NYAP2: variants seen among roughly 807,000 people sequenced by gnomAD.
The protein encoded by NYAP2 is neuronal tyrosine-phosphorylated phosphoinositide-3-kinase adaptor 2.
In NYAP2, 23 loss-of-function variants were observed where a neutral mutation model predicts 50.4. The ratio of observed to expected loss-of-function variants is 0.46; its 90% CI spans 0.33 to 0.65. The LOEUF (loss-of-function observed/expected upper bound fraction) is 0.65. NYAP2 is among the 30% of genes least tolerant of loss of function. NYAP2 has a pLI of 0.02. For missense variants in NYAP2, 885 were observed against 861.0 expected (o/e 1.03, Z -0.35); for synonymous variants, 394 against 365.2 (o/e 1.08, Z -0.90).
the NYAP2 span, among the ~76,000 whole-genome samples, chr2:225,687,401 A>T: frequency 6.6e-6 from 1 of 152,176 alleles, no homozygotes; most frequent in African/African-American, 2.4e-5. Context: ...TAGAAGGTGC[A>T]TATAACTTGC....
intron 3 of NYAP2, among the ~76,000 whole-genome samples, chr2:225,459,689 G>C (rs552230220): frequency 2.6e-5 from 4 of 151,692 alleles, no homozygotes; most frequent in African/African-American, 9.7e-5. Flanking sequence ...TGTCGCCCAG[G>C]CTGGAGTGCA....
chr2:225,546,388 T>A (rs1691585374), intron 4 of NYAP2, among the ~76,000 whole-genome samples: 1 of 152,044 alleles, frequency 6.6e-6, no homozygotes, highest in Admixed American at 6.6e-5. Flanking sequence ...AAGCTGGCAC[T>A]CAAACCATGA....
At chr2:225,703,595 T>C in the NYAP2 span, 1 of 151,886 alleles carries the variant, frequency 6.6e-6, no homozygotes, top group African/African-American at 2.4e-5. Flanking sequence ...TTTACAATAC[T>C]TTTTGTGATT....
chr2:225,627,236 G>A (rs150869385), intron 6 of NYAP2, 110 bp downstream of exon 6: 233 of 818,956 alleles, frequency 2.8e-4, no homozygotes, highest in Non-Finnish European at 4.4e-4. Flanking sequence ...TCTGCACACA[G>A]AGAGGCACCA....
intron 6 of NYAP2, among the ~76,000 whole-genome samples, chr2:225,632,616 A>G (rs1693341423): frequency 6.6e-6 from 1 of 152,224 alleles, no homozygotes; most frequent in Non-Finnish European, 1.5e-5. Context: ...TGTTTAGTAA[A>G]TCACAGATTC....
chr2:225,681,369 A>C, the NYAP2 span, among the ~76,000 whole-genome samples: 1 of 152,240 alleles, frequency 6.6e-6, no homozygotes, highest in Non-Finnish European at 1.5e-5. Flanking sequence ...TCCTCAATAA[A>C]TAATTATTGC....
intron 4 of NYAP2, among the ~76,000 whole-genome samples, chr2:225,538,674 T>A (rs1055733651): frequency 1.3e-5 from 2 of 152,234 alleles, no homozygotes; most frequent in South Asian, 2.1e-4. Context: ...TTCCCCATTG[T>A]CTTGGGGATT....
At chr2:225,476,107 A>C (rs1690099980) in intron 3 of NYAP2, among the ~76,000 whole-genome samples, 4 of 152,234 alleles carry the variant, frequency 2.6e-5, no homozygotes, top group African/African-American at 9.6e-5. Flanking sequence ...ATTAGTCTTA[A>C]TAGAAGTCTA....
chr2:225,489,956 G>T (rs1202987777), intron 3 of NYAP2, among the ~76,000 whole-genome samples: 64 of 152,192 alleles, frequency 4.2e-4, no homozygotes, highest in Non-Finnish European at 2.6e-4. Context: ...TCCAAAGGGT[G>T]TTCATAGTTC....
chr2:225,460,955 T>C (rs1689819018), intron 3 of NYAP2, among the ~76,000 whole-genome samples: 1 of 132,108 alleles, frequency 7.6e-6, no homozygotes, highest in Non-Finnish European at 1.5e-5. Flanking sequence ...ATCGCGCCAC[T>C]GCACTCCTGC....
intron 4 of NYAP2, among the ~76,000 whole-genome samples, chr2:225,538,947 C>A (rs566794701): frequency 9.2e-5 from 14 of 151,692 alleles, no homozygotes; most frequent in African/African-American, 3.2e-4. Context: ...CTGCACCCAA[C>A]AACCCGTCAT....
At chr2:225,504,999 C>T in intron 3 of NYAP2, among the ~76,000 whole-genome samples, 1 of 140,366 alleles carries the variant, frequency 7.1e-6, no homozygotes, top group Non-Finnish European at 1.6e-5. Flanking sequence ...CGGAGCAAGA[C>T]TGCGTCTCGA....
At chr2:225,690,228 A>G in the NYAP2 span, among the ~76,000 whole-genome samples, 1 of 152,150 alleles carries the variant, frequency 6.6e-6, no homozygotes, top group Admixed American at 6.6e-5. Context: ...CCAACATATC[A>G]ATTATTTTAT....
intron 3 of NYAP2, among the ~76,000 whole-genome samples, chr2:225,433,434 T>C (rs528482980): frequency 4.1e-4 from 62 of 152,206 alleles, no homozygotes; most frequent in Non-Finnish European, 6.2e-4. Context: ...TCCTGGCGTA[T>C]GTATATTTGC....
chr2:225,630,543 T>A (rs1021833198), intron 6 of NYAP2, among the ~76,000 whole-genome samples: 7 of 152,196 alleles, frequency 4.6e-5, no homozygotes, highest in Non-Finnish European at 1.0e-4. Flanking sequence ...GGGATTTCCA[T>A]GGGCTTGTAG....
chr2:225,597,914 A>G (rs926250845), intron 5 of NYAP2, among the ~76,000 whole-genome samples: 45 of 152,172 alleles, frequency 3.0e-4, no homozygotes, highest in African/African-American at 1.1e-3. Context: ...GTTCAAATGA[A>G]ATAAATTTTC....
chr2:225,666,878 G>A, the NYAP2 span, among the ~76,000 whole-genome samples: 1 of 129,732 alleles, frequency 7.7e-6, no homozygotes, highest in Admixed American at 7.9e-5. Flanking sequence ...CACACACAGA[G>A]GACAGCTTTG....
At chr2:225,558,459 T>A (rs1334040567) in intron 4 of NYAP2, among the ~76,000 whole-genome samples, 1 of 152,126 alleles carries the variant, frequency 6.6e-6, no homozygotes, top group Non-Finnish European at 1.5e-5. Flanking sequence ...ATGACCCCCG[T>A]CCTCCATCTT....
chr2:225,514,289 T>G (rs186481037), intron 4 of NYAP2, among the ~76,000 whole-genome samples: 1 of 152,362 alleles, frequency 6.6e-6, no homozygotes, highest in Admixed American at 6.5e-5. Context: ...ACCAGCTCTT[T>G]AGGCCTTACT....
Sources: allele counts gnomAD v4.1 joint callset (sites outside exome capture counted in the v4.1 genomes callset), GRCh38; gene constraint gnomAD v4.1.1; transcripts MANE v1.5; gene names NCBI Gene and HGNC (gene_info 2026-07-23, HGNC 2026-07-21).